The following DUSP10 variants were observed in gnomAD, a reference collection of about 807,000 sequenced individuals.
The protein encoded by DUSP10 is dual specificity protein phosphatase 10.
DUSP10 carries 14 observed loss-of-function variants against 30.8 expected under a neutral mutation model. The ratio of observed to expected loss-of-function variants is 0.46; its 90% confidence interval spans 0.30 to 0.71. The LOEUF (loss-of-function observed/expected upper bound fraction) is 0.71, where lower values mean the gene tolerates loss of function less well. Among genes scored for constraint, DUSP10 ranks in the 30% least tolerant of loss-of-function variants. The pLI is 0.08. For synonymous variants in DUSP10, 254 were observed against 250.4 expected (o/e 1.01, Z -0.14); for missense variants, 550 against 619.4 (o/e 0.89, Z 1.19).
chr1:221,732,521 T>C (rs1439885620), intron 2 of DUSP10, among the ~76,000 whole-genome samples: 2 of 152,236 alleles, frequency 1.3e-5, no homozygotes, highest in African/African-American at 2.4e-5. Flanking sequence ...AAAAATCTTA[T>C]ATTTTATGCT....
chr1:221,730,258 G>T (rs1462771464), intron 2 of DUSP10, among the ~76,000 whole-genome samples: 1 of 152,124 alleles, frequency 6.6e-6, no homozygotes, highest in Admixed American at 6.5e-5. Context: ...ATGCAAAACG[G>T]TGACTGCCTC....
chr1:221,727,130 C>G (rs1661445954), intron 2 of DUSP10, among the ~76,000 whole-genome samples: 1 of 152,142 alleles, frequency 6.6e-6, no homozygotes, highest in Admixed American at 6.5e-5. Flanking sequence ...AACTCAGCAG[C>G]CTGGTTCCAG....
chr1:221,735,260 G>A (rs1661731355), intron 2 of DUSP10, among the ~76,000 whole-genome samples: 1 of 152,208 alleles, frequency 6.6e-6, no homozygotes, highest in Non-Finnish European at 1.5e-5. Context: ...CATAGAGCAA[G>A]TAGAGGCATG....
intron 2 of DUSP10, among the ~76,000 whole-genome samples, chr1:221,734,824 T>C (rs1027649244): frequency 6.6e-6 from 1 of 152,222 alleles, no homozygotes; most frequent in Non-Finnish European, 1.5e-5. Context: ...AGCACGTTTA[T>C]GAATGTAGAT....
At chr1:221,713,427 A>G (rs1481324505) in intron 2 of DUSP10, among the ~76,000 whole-genome samples, 1 of 152,222 alleles carries the variant, frequency 6.6e-6, no homozygotes. Flanking sequence ...TTTTTTAGGC[A>G]TATCGAATAG....
At chr1:221,730,356 C>T (rs1438446026) in intron 2 of DUSP10, among the ~76,000 whole-genome samples, 1 of 152,272 alleles carries the variant, frequency 6.6e-6, no homozygotes, top group African/African-American at 2.4e-5. Flanking sequence ...AGGCCTGATG[C>T]GACCCCCTGG....
At chr1:221,705,505 G>C (rs1239541892) in intron 3 of DUSP10, among the ~76,000 whole-genome samples, 1 of 152,206 alleles carries the variant, frequency 6.6e-6, no homozygotes, top group Non-Finnish European at 1.5e-5. Context: ...GGATCAAAGC[G>C]TGCTGTTGCT....
Position 221,702,331 on chromosome 1 carries a change from G to A in DUSP10, c.*81C>T. The A allele has an allele frequency of 7.5e-6, 11 of 1,462,360 alleles. No individual in the cohort carries two copies. The highest frequency in any genetic ancestry group is 1.3e-5 in the South Asian group (1 of 74,078). 90.6% of individuals were successfully genotyped at this position (1,462,360 alleles called of 1,614,324 possible). ...TTACTCCCAACTACAAAAAAAAAAA[G>A]AAAGAAAAAAAACCAGAATCCATCC... On this transcript the variant is annotated 3_prime_UTR_variant, in exon 4 of 4. Transcript: ENST00000366899. This position sits in a 1 kb window ranked among gnomAD's most constrained non-coding sequence, Gnocchi z 4.5.
chr1:221,713,037 T>C (rs974508061), intron 2 of DUSP10, among the ~76,000 whole-genome samples: 2 of 152,230 alleles, frequency 1.3e-5, no homozygotes, highest in Admixed American at 1.3e-4. Context: ...CAAAGCTAAC[T>C]AGCACTGGAG....
At chr1:221,724,327 TA>T (rs1661362749) in intron 2 of DUSP10, among the ~76,000 whole-genome samples, 1 of 122,358 alleles carries the variant, frequency 8.2e-6, no homozygotes, top group East Asian at 2.0e-4. Flanking sequence ...GAATTCAGGC[TA>T]CTATAATAAC....
chr1:221,717,454 GAAAC>G (rs1355125405), intron 2 of DUSP10, among the ~76,000 whole-genome samples: 5 of 124,224 alleles, frequency 4.0e-5, no homozygotes, highest in African/African-American at 1.4e-4. Context: ...GAGGGGAAAA[GAAAC>G]AGAGAGAGAG....
intron 1 of DUSP10, among the ~76,000 whole-genome samples, chr1:221,740,730 C>T (rs1229303850): frequency 6.6e-6 from 1 of 152,220 alleles, no homozygotes; most frequent in African/African-American, 2.4e-5. Context: ...AGATATCCCC[C>T]CTTCAAGAGT....
At chr1:221,716,098 A>T (rs1661097397) in intron 2 of DUSP10, among the ~76,000 whole-genome samples, 1 of 150,912 alleles carries the variant, frequency 6.6e-6, no homozygotes, top group Non-Finnish European at 1.5e-5. Context: ...TCATAAATCC[A>T]TCAGCAGTAG....
Position 221,702,757 on chromosome 1 carries a change from T to G in DUSP10, c.1184-80A>C, listed in dbSNP as rs975135259. The G allele has an allele frequency of 9.8e-6, 14 of 1,423,160 alleles. No individual in the cohort carries two copies. The highest frequency in any genetic ancestry group is 1.4e-5 in the Non-Finnish European group (14 of 1,035,700). 88.2% of individuals were successfully genotyped at this position (1,423,160 alleles called of 1,614,324 possible). ...GAGAGAGAAACTTTCATCTCAACTT[T>G]GCAATGCCTTATTTTGTATAGAAAT... is the stretch of plus-strand genomic sequence containing the variant. On this transcript the variant is annotated intron_variant, in intron 3 of 3. Transcript: ENST00000366899. The surrounding 1 kb of genome is among the most constrained non-coding windows in gnomAD (Gnocchi z 4.5).
intron 2 of DUSP10, among the ~76,000 whole-genome samples, chr1:221,732,576 C>T (rs941742523): frequency 6.6e-6 from 1 of 152,136 alleles, no homozygotes; most frequent in Non-Finnish European, 1.5e-5. Context: ...CATACGAATA[C>T]CTCAGTCTGT....
intron 2 of DUSP10, among the ~76,000 whole-genome samples, chr1:221,724,259 A>G (rs904269421): frequency 6.6e-6 from 1 of 152,214 alleles, no homozygotes; most frequent in Non-Finnish European, 1.5e-5. Flanking sequence ...TCATCTAAAA[A>G]GTGGGGATAA....
intron 2 of DUSP10, chr1:221,737,408 A>G: frequency 1.0e-6 from 1 of 985,356 alleles, no homozygotes. Context: ...AGATTATGGT[A>G]AGACAATAGC....
intron 2 of DUSP10, among the ~76,000 whole-genome samples, chr1:221,717,765 G>T (rs1411190802): frequency 6.6e-6 from 1 of 152,128 alleles, no homozygotes; most frequent in African/African-American, 2.4e-5. Flanking sequence ...CAAGAAGACA[G>T]CTGTCTGCAA....
At chr1:221,738,211 G>A (rs1447187176) in intron 2 of DUSP10, among the ~76,000 whole-genome samples, 2 of 152,142 alleles carry the variant, frequency 1.3e-5, no homozygotes, top group African/African-American at 4.8e-5. Flanking sequence ...CAGTATACTG[G>A]GGCAAGTGAC....
Sources: allele counts gnomAD v4.1 joint callset (sites outside exome capture counted in the v4.1 genomes callset), GRCh38; gene constraint gnomAD v4.1.1; non-coding constraint Gnocchi (gnomAD v3.1); transcripts MANE v1.5; gene names NCBI Gene and HGNC (gene_info 2026-07-23, HGNC 2026-07-21).